MIA2: variants seen among roughly 807,000 people sequenced by gnomAD.
MIA2 encodes the protein MIA SH3 domain ER export factor 2.
MIA2 carries 127 observed loss-of-function variants against 167.8 expected under a neutral mutation model. The observed-to-expected ratio is 0.76, with a 90% CI of 0.66 to 0.88. The LOEUF is 0.88. MIA2 is among the 40% of genes least tolerant of loss of function. The probability of loss-of-function intolerance (pLI) is 0.00; values close to 1 mark genes in which losing one functional copy is unlikely to be tolerated. For synonymous variants in MIA2, 552 were observed against 541.9 expected, an observed-to-expected ratio of 1.02 and a Z score of -0.26; for missense variants, 1,690 against 1,624.7, an observed-to-expected ratio of 1.04 and a Z score of -0.69.
chr14:39,263,122 TG>T (rs2055208455), intron 6 of MIA2, among the ~76,000 whole-genome samples: 1 of 152,212 alleles, frequency 6.6e-6, no homozygotes, highest in African/African-American at 2.4e-5. Flanking sequence ...TTCCAGTTTT[TG>T]CCCATTCAGT....
intron 25 of MIA2, among the ~76,000 whole-genome samples, chr14:39,333,445 G>A (rs2069420365): frequency 6.6e-6 from 1 of 152,118 alleles, no homozygotes; most frequent in African/African-American, 2.4e-5. Context: ...CCATAGACTT[G>A]GGCAGAGATT....
At chr14:39,332,934 T>C (rs1373293098) in intron 25 of MIA2, among the ~76,000 whole-genome samples, 1 of 152,170 alleles carries the variant, frequency 6.6e-6, no homozygotes, top group African/African-American at 2.4e-5. Context: ...TTCCTTGTCA[T>C]CTCCATTCTG....
Position 39,252,778 on chromosome 14 carries a change from G to T in MIA2, c.1598G>T (p.Arg533Ile). Reference protein sequence around the residue: ...DMVSNIELPTRIHEEVYFEPS... With the variant: ...DMVSNIELPTIIHEEVYFEPS... ...GTCTCTAACATAGAGTTACCTACGA[G>T]AATTCACGAAGAAGTATATTTTGAA... Residue 533 changes from arginine (R) to isoleucine (I), a missense_variant, in exon 5 of 29, where the codon AGA becomes ATA. Arg to Ile is a moderately conservative substitution (Grantham distance 97). Transcript: ENST00000640607. The T allele has an allele frequency of 6.2e-7, 1 of 1,613,222 alleles. No individual in the cohort carries two copies. The highest frequency in any genetic ancestry group is 8.5e-7 in the Non-Finnish European group (1 of 1,179,530).
At chr14:39,347,813 G>C (rs1175107004) in intron 27 of MIA2, 42 bp downstream of exon 27, 133 of 969,512 alleles carry the variant, frequency 1.4e-4, no homozygotes, top group Non-Finnish European at 1.8e-4. Context: ...GTATTCAGAA[G>C]CCTTCTTTTT....
Position 39,315,691 on chromosome 14 carries a change from C to A in MIA2, c.3189C>A (p.Ser1063=). ...TIHSYQGQII[S]HEKKAHDNWL... The stretch of plus-strand genomic sequence containing the variant: ...ATTACTTTCTTTTTCAGATTATTTC[C>A]CATGAGAAAAAAGCACATGATAATT... The change falls in exon 21 of 29, where the codon TCC becomes TCA. Residue 1063 remains serine (S), a synonymous_variant. Transcript: ENST00000640607. The A allele has an allele frequency of 6.4e-7, 1 of 1,554,510 alleles. No individual in the cohort carries two copies. Among genetic ancestry groups the A allele is most frequent in the Non-Finnish European group, 8.8e-7 (1 of 1,139,586 alleles).
intron 15 of MIA2, among the ~76,000 whole-genome samples, chr14:39,302,578 A>G (rs2062699053): frequency 6.6e-6 from 1 of 152,208 alleles, no homozygotes; most frequent in African/African-American, 2.4e-5. Context: ...TAAGCTAATC[A>G]AATGGATGAA....
At chr14:39,260,674 G>T (rs1594731944) in intron 6 of MIA2, among the ~76,000 whole-genome samples, 1 of 152,210 alleles carries the variant, frequency 6.6e-6, no homozygotes, top group East Asian at 1.9e-4. Flanking sequence ...TCACTCTGAT[G>T]GTAGTTTCTT....
Position 39,239,927 on chromosome 14 carries a change from T to C in MIA2, c.250-634T>C, listed in dbSNP as rs1261596684. 2.6e-5 allele frequency among the ~76,000 whole-genome samples: 4 copies of C among 152,180 alleles called. No individual in the cohort carries two copies. The South Asian group carries it at 8.3e-4, about 32-fold the overall frequency. On this transcript the variant is annotated intron_variant, in intron 2 of 28. Transcript: ENST00000640607. ...AGAGGGCCAAAAGAAATATGTTCTT[T>C]AAAACTTTAACAGGGTTAGGAAATG... is the stretch of plus-strand genomic sequence containing the variant.
In MIA2 at chr14:39,234,131, T is replaced by C; in HGVS notation, c.17T>C (p.Val6Ala). Reference protein sequence around the residue: MAKFGVHRILLLAISL... With the variant: MAKFGAHRILLLAISL... ...TGTTTTAGCATGGCAAAATTTGGCGTTCACAGAATCCTTCTTCTGGCTATT... is the reference window on the plus strand; with the variant it reads ...TGTTTTAGCATGGCAAAATTTGGCGCTCACAGAATCCTTCTTCTGGCTATT... Residue 6 changes from valine (V) to alanine (A), a missense_variant, in exon 1 of 29, where the codon GTT (valine) becomes GCT (alanine). Val to Ala is a moderately conservative substitution (Grantham distance 64). Transcript: ENST00000640607. 1 of 1,604,334 alleles carries C rather than the reference T, an allele frequency of 6.2e-7. No individual in the cohort carries two copies. Among genetic ancestry groups the C allele is most frequent in the Non-Finnish European group, 8.5e-7 (1 of 1,176,222 alleles).
At chr14:39,380,605 A>C (rs575901864) in intron 23 of MIA2, among the ~76,000 whole-genome samples, 1 of 150,012 alleles carries the variant, frequency 6.7e-6, no homozygotes, top group African/African-American at 2.4e-5. Flanking sequence ...AGGCAGGAGA[A>C]TTGCTTGAAC....
intron 17 of MIA2, among the ~76,000 whole-genome samples, chr14:39,306,503 G>A (rs2063363341): frequency 6.6e-6 from 1 of 152,138 alleles, no homozygotes; most frequent in Non-Finnish European, 1.5e-5. Flanking sequence ...GACAGCGCTA[G>A]GAGGATGGTG....
At chr14:39,330,346 G>C (rs2068543009) in intron 25 of MIA2, among the ~76,000 whole-genome samples, 1 of 151,968 alleles carries the variant, frequency 6.6e-6, no homozygotes, top group African/African-American at 2.4e-5. Context: ...GCATCTATTT[G>C]ATTCTTCTCT....
intron 3 of MIA2, among the ~76,000 whole-genome samples, chr14:39,242,876 A>G (rs937228435): frequency 6.6e-6 from 1 of 151,796 alleles, no homozygotes; most frequent in African/African-American, 2.4e-5. Flanking sequence ...TAATCCCAGC[A>G]CTTTGGGAGG....
intron 26 of MIA2, chr14:39,346,905 C>G (rs2073392673): frequency 3.0e-6 from 1 of 328,020 alleles, no homozygotes; most frequent in South Asian, 2.5e-5. Context: ...CTTGCTCAGC[C>G]TGGAAAGTCA....
intron 3 of MIA2, among the ~76,000 whole-genome samples, chr14:39,244,543 T>C (rs1566590224): frequency 6.6e-6 from 1 of 152,176 alleles, no homozygotes; most frequent in Non-Finnish European, 1.5e-5. Flanking sequence ...GCCAAGTATA[T>C]ATTGTAAAAT....
chr14:39,245,463 T>TG lies in MIA2; in HGVS notation c.337-1445dup, dbSNP rs561584694. ...TGTTGGGCCACATTCAAAGCCATCCTGGGCTGCATGCAGCCTGTAAGCTGC... is the reference window on the plus strand; with the variant it reads ...TGTTGGGCCACATTCAAAGCCATCCTGGGGCTGCATGCAGCCTGTAAGCTGC... On this transcript the variant is annotated intron_variant, in intron 3 of 28. Coordinates refer to ENST00000640607, the MANE Select transcript of MIA2 (RefSeq NM_001329214.4). Among the ~76,000 whole-genome samples, 12 of 152,340 alleles carry TG rather than the reference T, an allele frequency of 7.9e-5. No individual in the cohort carries two copies. The South Asian group carries it at 1.2e-3, about 16-fold the overall frequency.
chr14:39,386,999 T>C lies in MIA2; in HGVS notation c.*47T>C, dbSNP rs757674108. 6 of 756,844 alleles carry C rather than the reference T, an allele frequency of 7.9e-6. No individual in the cohort carries two copies. In the African/African-American group the frequency reaches 1.1e-4, roughly 13 times the overall value. The allele number at this position is 756,844 out of a possible 1,614,324, so 46.9% of individuals were successfully genotyped here. A position where few individuals can be genotyped will look rare whatever the true frequency, so the allele number is the denominator to read the frequency against. On this transcript the variant is annotated 3_prime_UTR_variant, in exon 24 of 24. Coordinates refer to the MIA2 transcript ENST00000341502. ...GACTAACGAGATCTGTGACGACTCG[T>C]ATCTGTTCAAGTGGAACAGAAGCCA...
Position 39,313,361 on chromosome 14 carries a change from T to A in MIA2, c.3039T>A (p.Asn1013Lys), listed in dbSNP as rs1269454319. ...KLHRKLTVEE[N>K]YRLEKEEKLS... ...TAAGGAAATTAACAGTAGAGGAAAATTATCGGTTAGAGAAAGAAGAGAAAC... is the reference window on the plus strand; with the variant it reads ...TAAGGAAATTAACAGTAGAGGAAAAATATCGGTTAGAGAAAGAAGAGAAAC... Residue 1013 changes from asparagine (N) to lysine (K), a missense_variant, in exon 19 of 29, where the codon AAT becomes AAA. Physicochemically the swap from Asn to Lys is moderately conservative, Grantham distance 94. Coordinates refer to ENST00000640607, the MANE Select transcript of MIA2 (RefSeq NM_001329214.4). 1 of 1,595,934 alleles carries A rather than the reference T, an allele frequency of 6.3e-7. No individual in the cohort carries two copies. Among genetic ancestry groups the A allele is most frequent in the Non-Finnish European group, 8.5e-7 (1 of 1,170,780 alleles).
At chr14:39,289,965 GCCT>G (rs1255022507) in intron 9 of MIA2, among the ~76,000 whole-genome samples, 1 of 152,098 alleles carries the variant, frequency 6.6e-6, no homozygotes, top group Non-Finnish European at 1.5e-5. Context: ...TGGTCGTCTT[GCCT>G]CCTCCTTTTA....
Sources: allele counts gnomAD v4.1 joint callset (sites outside exome capture counted in the v4.1 genomes callset), GRCh38; gene constraint gnomAD v4.1.1; transcripts MANE v1.5; gene names NCBI Gene and HGNC (gene_info 2026-07-23, HGNC 2026-07-21).